ADGRL2: variants seen among roughly 807,000 people sequenced by gnomAD.
ADGRL2 encodes the protein calcium-independent alpha-latrotoxin receptor 2.
ADGRL2 carries 44 observed loss-of-function variants against 157.4 expected under a neutral mutation model. That is an observed-to-expected ratio of 0.28 (90% CI 0.22 to 0.36). ADGRL2 has a LOEUF of 0.36. Among genes scored for constraint, ADGRL2 ranks in the 10% least tolerant of loss-of-function variants. The pLI is 1.00. For synonymous variants in ADGRL2, 585 were observed against 624.7 expected (o/e 0.94, Z 0.95); for missense variants, 1,510 against 1,768.9 (o/e 0.85, Z 2.63).
chr1:81,802,651 C>T (rs2088423753), intron 1 of ADGRL2, among the ~76,000 whole-genome samples: 1 of 152,060 alleles, frequency 6.6e-6, no homozygotes, highest in Non-Finnish European at 1.5e-5. Context: ...GTGTGAAGCG[C>T]GTCCTCGGCG....
chr1:81,642,691 G>A (rs1192418215), intron 3 of ADGRL2, among the ~76,000 whole-genome samples: 1 of 151,992 alleles, frequency 6.6e-6, no homozygotes, highest in Admixed American at 6.6e-5. Flanking sequence ...CAAAATATTG[G>A]CACACCAAAT....
At chr1:81,515,459 A>AAT (rs772574945) in intron 2 of ADGRL2, among the ~76,000 whole-genome samples, 2 of 151,478 alleles carry the variant, frequency 1.3e-5, no homozygotes, top group African/African-American at 2.4e-5. Flanking sequence ...AAAAAAAAAA[A>AAT]AGTCTTCTGT....
intron 3 of ADGRL2, among the ~76,000 whole-genome samples, chr1:81,911,082 G>A (rs1337501838): frequency 6.6e-6 from 1 of 151,968 alleles, no homozygotes; most frequent in African/African-American, 2.4e-5. Context: ...AAATACACTT[G>A]TAATTCAGGC....
At chr1:81,316,330 T>C (rs1479191452) in intron 1 of ADGRL2, among the ~76,000 whole-genome samples, 1 of 152,180 alleles carries the variant, frequency 6.6e-6, no homozygotes, top group Non-Finnish European at 1.5e-5. Context: ...TTGGAATAAA[T>C]GGTTTGGTGA....
At chr1:81,581,085 G>A (rs2080897225) in intron 3 of ADGRL2, 1 of 152,064 alleles carries the variant, frequency 6.6e-6, no homozygotes. Context: ...AAAAGATGTG[G>A]GAAAAAGAGA....
At chr1:81,475,848 G>A (rs947995597) in intron 2 of ADGRL2, among the ~76,000 whole-genome samples, 1 of 152,144 alleles carries the variant, frequency 6.6e-6, no homozygotes, top group Non-Finnish European at 1.5e-5. Context: ...GAAAAATTGT[G>A]AGGCTATTAC....
At position 81,943,457 on chromosome 1, in the gene ADGRL2, C is replaced by T; in HGVS notation, c.898C>T (p.Leu300Phe). The T allele has an allele frequency of 6.2e-7, 1 of 1,613,712 alleles. No homozygotes were observed. The highest frequency in any genetic ancestry group is 8.5e-7 in the Non-Finnish European group (1 of 1,179,752). The change falls in exon 6 of 24, where the codon CTT becomes TTT. Residue 300 changes from leucine to phenylalanine, a missense_variant. Coordinates refer to ENST00000686636, the MANE Select transcript of ADGRL2 (RefSeq NM_001366006.2). The surrounding 1 kb of genome is among the most constrained non-coding windows in gnomAD (Gnocchi z 5.6). Reference protein sequence around the residue: ...IVISQLNPYTLRFEATWETVY... With the variant: ...IVISQLNPYTFRFEATWETVY... ...TATTAGCCAGCTGAATCCATACACT[C>T]TTCGATTTGAAGCAACGTGGGAGAC... is the stretch of plus-strand genomic sequence containing the variant.
intron 2 of ADGRL2, among the ~76,000 whole-genome samples, chr1:81,505,316 C>T (rs1015699089): frequency 1.3e-5 from 2 of 151,452 alleles, no homozygotes; most frequent in East Asian, 2.0e-4. Context: ...AGTGAGGAGC[C>T]CAGTTGGCTG....
At chr1:81,776,661 A>T (rs1479886091) in intron 2 of ADGRL2, among the ~76,000 whole-genome samples, 1 of 152,208 alleles carries the variant, frequency 6.6e-6, no homozygotes, top group African/African-American at 2.4e-5. Flanking sequence ...GTTAGTTTAT[A>T]TAATTTGGTC....
chr1:81,518,474 G>C (rs1383656338), intron 2 of ADGRL2, among the ~76,000 whole-genome samples: 1 of 152,174 alleles, frequency 6.6e-6, no homozygotes, highest in Middle Eastern at 3.2e-3. Flanking sequence ...CCAGAGAAAT[G>C]GGAATTGTTG....
In ADGRL2 at chr1:81,984,764, C is replaced by A. The variant is rs1428504328; in HGVS notation, c.3411+53C>A. On this transcript the variant is annotated intron_variant, in intron 20 of 23. Coordinates refer to ENST00000686636, the MANE Select transcript of ADGRL2 (RefSeq NM_001366006.2). ...ATTAACCTTATTTATAGAAAACCTA[C>A]TGAGACATGTTCTGTTCAGATGCAC... The A allele has an allele frequency of 1.9e-6, 3 of 1,586,996 alleles. No individual in the cohort carries two copies. In the East Asian group the frequency reaches 6.7e-5, roughly 36 times the overall value.
chr1:81,449,718 T>C (rs1401272263), intron 2 of ADGRL2, among the ~76,000 whole-genome samples: 1 of 152,088 alleles, frequency 6.6e-6, no homozygotes, highest in Non-Finnish European at 1.5e-5. Context: ...CCTTCCACCT[T>C]AGCCTCCCGA....
At chr1:81,670,461 C>T (rs969404419) in intron 3 of ADGRL2, among the ~76,000 whole-genome samples, 4 of 152,126 alleles carry the variant, frequency 2.6e-5, no homozygotes, top group African/African-American at 4.8e-5. Context: ...GTGTCATTGA[C>T]GGACTCCTCT....
At chr1:81,543,523 T>C (rs917182053) in intron 2 of ADGRL2, among the ~76,000 whole-genome samples, 5 of 152,230 alleles carry the variant, frequency 3.3e-5, no homozygotes, top group African/African-American at 1.2e-4. Context: ...GACAATATAT[T>C]AACATATTTT....
chr1:81,750,990 A>G (rs976939188), intron 1 of ADGRL2, among the ~76,000 whole-genome samples: 5 of 152,184 alleles, frequency 3.3e-5, no homozygotes, highest in Non-Finnish European at 5.9e-5. Flanking sequence ...AAAGAAATTA[A>G]GACTCCTTAG....
intron 1 of ADGRL2, among the ~76,000 whole-genome samples, chr1:81,437,459 G>A (rs897180693): frequency 3.3e-5 from 5 of 152,164 alleles, no homozygotes; most frequent in Admixed American, 1.3e-4. Flanking sequence ...TTAATTGGAG[G>A]AGGTGGGGAG....
chr1:81,930,695 T>C (rs923929312), intron 3 of ADGRL2, among the ~76,000 whole-genome samples: 14 of 152,220 alleles, frequency 9.2e-5, no homozygotes, highest in African/African-American at 3.1e-4. Flanking sequence ...TAATAAACTA[T>C]TAATCTTCAA....
intron 1 of ADGRL2, among the ~76,000 whole-genome samples, chr1:81,811,730 A>T (rs2089892713): frequency 1.3e-5 from 2 of 151,860 alleles, no homozygotes; most frequent in Admixed American, 1.3e-4. Flanking sequence ...AAATTTTAGA[A>T]TTATTCAGAA....
rs149539354 is a variant in ADGRL2, at chr1:81,441,392, T to C, written c.-301-3644T>C. 3.3e-5 allele frequency among the ~76,000 whole-genome samples: 5 copies of C among 152,322 alleles called. 1 individual carries two copies. In the East Asian group the frequency reaches 9.6e-4, roughly 29 times the overall value. On this transcript the variant is annotated intron_variant, in intron 1 of 24. Transcript: ENST00000370721. Reference sequence around the variant, plus strand: ...ACTCCCTGTTCAAACATCATCAGTGTTCCTAATCAATTACCTAATGTCTAA... The same window carrying C: ...ACTCCCTGTTCAAACATCATCAGTGCTCCTAATCAATTACCTAATGTCTAA...
Sources: gnomAD v4.1 joint callset for allele counts (sites outside exome capture counted in the v4.1 genomes callset) on GRCh38, gnomAD v4.1.1 for gene constraint, Gnocchi (gnomAD v3.1) non-coding constraint, MANE v1.5 for transcripts, NCBI Gene and HGNC (gene_info 2026-07-23, HGNC 2026-07-21) for gene names.